Variants in EIF2AK1 observed in about 807,000 individuals in gnomAD.
The protein encoded by EIF2AK1 is eukaryotic translation initiation factor 2 alpha kinase 1, also known as eukaryotic translation initiation factor 2-alpha kinase 1.
A neutral mutation model predicts 77.9 loss-of-function variants in EIF2AK1; 54 were observed. The ratio of observed to expected loss-of-function variants is 0.69; its 90% CI spans 0.56 to 0.87. EIF2AK1 has a LOEUF of 0.87. Among genes scored for constraint, EIF2AK1 ranks in the 40% least tolerant of loss-of-function variants. EIF2AK1 has a pLI of 0.00. For missense variants in EIF2AK1, 810 were observed against 768.6 expected (o/e 1.05, Z -0.64); for synonymous variants, 314 against 290.5 (o/e 1.08, Z -0.82).
At chr7:6,025,031 G>T (rs113818158) in intron 14 of EIF2AK1, among the ~76,000 whole-genome samples, 20 of 151,814 alleles carry the variant, frequency 1.3e-4, no homozygotes, top group African/African-American at 4.6e-4. Context: ...TAGAGATGAG[G>T]TTTCGCCATG....
intron 5 of EIF2AK1, 60 bp downstream of exon 5, chr7:6,046,932 C>A (rs1788460398): frequency 7.2e-7 from 1 of 1,389,160 alleles, no homozygotes; most frequent in African/African-American, 1.5e-5. Context: ...ATAATGAAAA[C>A]AATATCTGAA....
Position 6,042,961 on chromosome 7 carries a change from C to G in EIF2AK1, c.763G>C (p.Glu255Gln). The change falls in exon 8 of 15, where the codon GAA becomes CAA. Residue 255 changes from glutamate to glutamine, a missense_variant. By Grantham distance (29) the Glu-to-Gln change is conservative (BLOSUM62 2). Coordinates refer to ENST00000199389, the MANE Select transcript of EIF2AK1 (RefSeq NM_014413.4). Reference protein sequence around the residue: ...DRAAIELPSLEVLSDQEEDRE... With the variant: ...DRAAIELPSLQVLSDQEEDRE... The stretch of plus-strand genomic sequence containing the variant: ...TCCTCTTCCTGGTCGGAGAGCACTT[C>G]CAGAGATGGCAACTCAATGGCAGCT... 1 of 1,614,098 alleles carries G rather than the reference C, an allele frequency of 6.2e-7. No individual in the cohort carries two copies. Among genetic ancestry groups the G allele is most frequent in the South Asian group, 1.1e-5 (1 of 91,080 alleles).
At position 6,026,837 on chromosome 7, in the gene EIF2AK1, C is replaced by A. The variant is rs754533491; in HGVS notation, c.1655G>T (p.Arg552Met). The change falls in exon 14 of 15, where the codon AGG becomes ATG. Residue 552 changes from arginine to methionine, a missense_variant. This residue lies in a region of EIF2AK1 where 549 missense variants were observed against 533.7 expected (regional missense o/e 1.03). Coordinates refer to ENST00000199389, the MANE Select transcript of EIF2AK1 (RefSeq NM_014413.4). ...GATATACTTGGCTTGCACTGGACACCTTTTACGGAGGGATTCCGGCAACTG... is the reference window on the plus strand; with the variant it reads ...GATATACTTGGCTTGCACTGGACACATTTTACGGAGGGATTCCGGCAACTG... ...TGQLPESLRK[R>M]CPVQAKYIQH... 1 of 1,614,146 alleles carries A rather than the reference C, an allele frequency of 6.2e-7. No homozygotes were observed. The highest frequency in any genetic ancestry group is 1.7e-5 in the Admixed American group (1 of 60,014).
At chr7:6,044,505 G>C in intron 7 of EIF2AK1, 57 bp downstream of exon 7, 1 of 1,430,960 alleles carries the variant, frequency 7.0e-7, no homozygotes, top group Non-Finnish European at 9.7e-7. Context: ...GCCAGATTTG[G>C]TGCACGGGCT....
Position 6,056,613 on chromosome 7 carries a change from A to AAAATAT in EIF2AK1, c.119-1910_119-1909insATATTT. Among the ~76,000 whole-genome samples the AAAATAT allele has an allele frequency of 3.1e-3, 136 of 43,724 alleles. 4 individuals carry two copies. The highest frequency in any genetic ancestry group is 0.01 in the African/African-American group (126 of 12,142). 28.7% of individuals were successfully genotyped at this position (43,724 alleles called of 152,430 possible). A position where few individuals can be genotyped will look rare whatever the true frequency, so the allele number is the denominator to read the frequency against. ...CATCTCAAGGGAAAAAAAAAAAAAA[A>AAAATAT]ATATATATATATATATATATATAAA... On this transcript the variant is annotated intron_variant, in intron 1 of 14. Transcript: ENST00000199389.
At position 6,035,530 on chromosome 7, in the gene EIF2AK1, C is replaced by T. The variant is rs565373057; in HGVS notation, c.1332+1894G>A. The T allele has an allele frequency of 5.1e-4, 793 of 1,551,084 alleles. 2 individuals are homozygous for T. Among genetic ancestry groups the T allele is most frequent in the Non-Finnish European group, 6.4e-4 (731 of 1,147,138 alleles). ...ACGTGGGCAAAACCAGGCAACAGAA[C>T]GCACAGGATCCTGACAGACATTCAG... is the stretch of plus-strand genomic sequence containing the variant. On this transcript the variant is annotated intron_variant, in intron 11 of 14. Coordinates refer to ENST00000199389, the MANE Select transcript of EIF2AK1 (RefSeq NM_014413.4). The surrounding 1 kb of genome is among the most constrained non-coding windows in gnomAD (Gnocchi z 5.5).
chr7:6,057,772 C>G (rs892423690), intron 1 of EIF2AK1, among the ~76,000 whole-genome samples: 1 of 152,012 alleles, frequency 6.6e-6, no homozygotes, highest in African/African-American at 2.4e-5. Flanking sequence ...GCTGGGATTA[C>G]AGGCGACCGC....
In EIF2AK1 at chr7:6,041,005, T is replaced by G. The variant is rs772559857; in HGVS notation, c.1006A>C (p.Ser336Arg). ...GGCAGCTGCTGTTCCACAATTGAAC[T>G]GGCAGACAAACCAGCCAAGCCATTT... is the stretch of plus-strand genomic sequence containing the variant. ...QENGLAGLSA[S>R]SIVEQQLPLR... The change falls in exon 9 of 15, where the codon AGT becomes CGT. Residue 336 changes from serine (S) to arginine (R), a missense_variant. By Grantham distance (110) the Ser-to-Arg change is moderately radical. Around this residue, in one of 3 missense-constraint regions of EIF2AK1, gnomAD observed 549 missense variants for 533.7 expected, o/e 1.03. Coordinates refer to ENST00000199389, the MANE Select transcript of EIF2AK1 (RefSeq NM_014413.4). 9 of 1,614,162 alleles carry G rather than the reference T, an allele frequency of 5.6e-6. No individual in the cohort carries two copies. The South Asian group carries it at 9.9e-5, about 18-fold the overall frequency.
Position 6,023,350 on chromosome 7 carries a change from G to C in EIF2AK1, c.*1323C>G. 1 of 1,611,378 alleles carries C rather than the reference G, an allele frequency of 6.2e-7. No individual in the cohort carries two copies. The highest frequency in any genetic ancestry group is 8.5e-7 in the Non-Finnish European group (1 of 1,179,222). ...CAGCATCCAGACGATGTGCCCCATC[G>C]AAGGCGAAGGGAACATTGCACGTTT... On this transcript the variant is annotated 3_prime_UTR_variant, in exon 15 of 15. Transcript: ENST00000199389.
intron 2 of EIF2AK1, among the ~76,000 whole-genome samples, chr7:6,052,783 T>C (rs1788644771): frequency 6.6e-6 from 1 of 151,638 alleles, no homozygotes; most frequent in East Asian, 1.9e-4. Context: ...CTGAACAACA[T>C]GGTGAAACCC....
chr7:6,054,349 G>A (rs1788691058), intron 2 of EIF2AK1, among the ~76,000 whole-genome samples, 197 bp downstream of exon 2: 3 of 151,996 alleles, frequency 2.0e-5, no homozygotes, highest in Non-Finnish European at 1.5e-5. Context: ...GGTTACAGGT[G>A]CCTGCCACAA....
intron 12 of EIF2AK1, 56 bp downstream of exon 12, chr7:6,028,862 T>C: frequency 1.3e-6 from 2 of 1,489,208 alleles, no homozygotes; most frequent in South Asian, 1.2e-5. Context: ...AATACTAACA[T>C]GTGCAACCAT....
At position 6,033,810 on chromosome 7, in the gene EIF2AK1, C is replaced by T. The variant is rs1787984856; in HGVS notation, c.1332+3614G>A. Among the ~76,000 whole-genome samples, 1 of 151,682 alleles carries T rather than the reference C, an allele frequency of 6.6e-6. No homozygotes were observed. The highest frequency in any genetic ancestry group is 2.4e-5 in the African/African-American group (1 of 41,294). On this transcript the variant is annotated intron_variant, in intron 11 of 14. Coordinates refer to ENST00000199389, the MANE Select transcript of EIF2AK1 (RefSeq NM_014413.4). This position sits in a 1 kb window ranked among gnomAD's most constrained non-coding sequence, Gnocchi z 4.4. ...AGTCTCAATCTCCTGACCTCGTGATCCGTCCACCTCAGCCTCCCAAAGTGC... is the reference window on the plus strand; with the variant it reads ...AGTCTCAATCTCCTGACCTCGTGATTCGTCCACCTCAGCCTCCCAAAGTGC...
At chr7:6,046,040 A>T in intron 6 of EIF2AK1, 31 bp downstream of exon 6, 1 of 1,380,854 alleles carries the variant, frequency 7.2e-7, no homozygotes, top group South Asian at 1.3e-5. Flanking sequence ...ATACACAATT[A>T]TTCAAAATAA....
chr7:6,047,758 C>A (rs57846353), intron 4 of EIF2AK1: 9,912 of 154,568 alleles, frequency 0.064, 614 homozygotes, highest in East Asian at 0.35. Context: ...GGCTAGATTG[C>A]AGTGGCTATT....
chr7:6,023,364 C>T lies in EIF2AK1; in HGVS notation c.*1309G>A. The T allele has an allele frequency of 1.2e-6, 2 of 1,613,814 alleles. No individual in the cohort carries two copies. Among genetic ancestry groups the T allele is most frequent in the Non-Finnish European group, 1.7e-6 (2 of 1,179,904 alleles). On this transcript the variant is annotated 3_prime_UTR_variant, in exon 15 of 15. Transcript: ENST00000199389. ...TGTGCCCCATCGAAGGCGAAGGGAA[C>T]ATTGCACGTTTCTTGTTCTCTCTGT... is the stretch of plus-strand genomic sequence containing the variant.
At position 6,023,851 on chromosome 7, in the gene EIF2AK1, T is replaced by G. The variant is rs1307102588; in HGVS notation, c.*822A>C. On this transcript the variant is annotated 3_prime_UTR_variant, in exon 15 of 15. Transcript: ENST00000199389. ...TGTAATTTATGGTTTTCATTTTATT[T>G]AAAATTCAGCAAAATCATACGCCAT... 2 of 1,548,614 alleles carry G rather than the reference T, an allele frequency of 1.3e-6. No homozygotes were observed. Among genetic ancestry groups the G allele is most frequent in the Admixed American group, 3.9e-5 (2 of 50,964 alleles).
intron 1 of EIF2AK1, 105 bp downstream of exon 1, chr7:6,058,861 C>G: frequency 9.3e-7 from 1 of 1,075,586 alleles, no homozygotes; most frequent in Non-Finnish European, 1.3e-6. Flanking sequence ...TGGAGGCAGC[C>G]AAAGTCGCCC....
chr7:6,058,946 G>A lies in EIF2AK1; in HGVS notation c.118+20C>T. On this transcript the variant is annotated intron_variant, in intron 1 of 14. Transcript: ENST00000199389. ...TGGACAGAGAGAGCAGAGCGGCGAC[G>A]CCGCGATCCGATCCCTCACCGTCAT... is the stretch of plus-strand genomic sequence containing the variant. 1 of 1,505,654 alleles carries A rather than the reference G, an allele frequency of 6.6e-7. No homozygotes were observed. Among genetic ancestry groups the A allele is most frequent in the Non-Finnish European group, 8.9e-7 (1 of 1,126,418 alleles). The allele number at this position is 1,505,654 out of a possible 1,614,324, so 93.3% of individuals were successfully genotyped here.
Sources: gnomAD v4.1 joint callset for allele counts (sites outside exome capture counted in the v4.1 genomes callset) on GRCh38, gnomAD v4.1.1 for gene constraint, gnomAD v4.1.1 regional missense constraint, Gnocchi (gnomAD v3.1) non-coding constraint, MANE v1.5 for transcripts, NCBI Gene and HGNC (gene_info 2026-07-23, HGNC 2026-07-21) for gene names.